The following STPG2 variants were observed in gnomAD, a reference collection of about 807,000 sequenced individuals.
STPG2 encodes the protein sperm-tail PG-rich repeat-containing protein 2.
A neutral mutation model predicts 54.2 loss-of-function variants in STPG2; 56 were observed. The observed-to-expected ratio is 1.03, with a 90% CI of 0.83 to 1.29. STPG2 has a LOEUF of 1.29. STPG2 is among the 50% of genes most tolerant of loss of function. The pLI is 0.00. For missense variants in STPG2, 596 were observed against 544.9 expected, an observed-to-expected ratio of 1.09 and a Z score of -0.93; for synonymous variants, 200 against 181.8, an observed-to-expected ratio of 1.10 and a Z score of -0.81.
intron 4 of STPG2, among the ~76,000 whole-genome samples, chr4:97,486,739 C>T (rs574016631): frequency 1.7e-4 from 26 of 151,352 alleles, no homozygotes; most frequent in South Asian, 1.0e-3. Context: ...CAGCACAATT[C>T]GCAATTGCAA....
chr4:97,729,502 A>G (rs779427267), intron 9 of STPG2, among the ~76,000 whole-genome samples: 9 of 152,318 alleles, frequency 5.9e-5, no homozygotes, highest in Admixed American at 3.9e-4. Flanking sequence ...TTATCAAAAT[A>G]GAAATATATT....
intron 8 of STPG2, among the ~76,000 whole-genome samples, chr4:97,913,123 C>T (rs1386758751): frequency 2.0e-5 from 3 of 152,108 alleles, no homozygotes; most frequent in African/African-American, 7.2e-5. Flanking sequence ...ATAATATAAG[C>T]TTCAAGGAAA....
chr4:98,063,296 A>G lies in STPG2; in HGVS notation c.612+42657T>C, dbSNP rs986531084. 5.3e-5 allele frequency among the ~76,000 whole-genome samples: 8 copies of G among 152,156 alleles called. No individual in the cohort carries two copies. The South Asian group carries it at 8.3e-4, about 16-fold the overall frequency. On this transcript the variant is annotated intron_variant, in intron 5 of 10. Transcript: ENST00000295268. ...AAACCCCGTCTCTACTAAAAATACAAAAATCAGCTGGGCATGGTGGCACAT... is the reference window on the plus strand; with the variant it reads ...AAACCCCGTCTCTACTAAAAATACAGAAATCAGCTGGGCATGGTGGCACAT...
intron 7 of STPG2, among the ~76,000 whole-genome samples, chr4:97,968,021 G>A (rs1242183696): frequency 6.6e-6 from 1 of 152,110 alleles, no homozygotes; most frequent in Non-Finnish European, 1.5e-5. Flanking sequence ...GAGCAGAACT[G>A]AAGGAGAGAG....
intron 7 of STPG2, among the ~76,000 whole-genome samples, chr4:97,969,222 G>A (rs976434277): frequency 3.3e-5 from 5 of 152,118 alleles, no homozygotes; most frequent in African/African-American, 7.2e-5. Context: ...GATTAATATC[G>A]TGCTAATCAT....
In STPG2 at chr4:98,132,325, C is replaced by T. The variant is rs183158467; in HGVS notation, c.222+2022G>A. ...ACTTATAAAATAACTAAAATGTAAACACTAATAAATTTTTATAGGAAGGCT... is the reference window on the plus strand; with the variant it reads ...ACTTATAAAATAACTAAAATGTAAATACTAATAAATTTTTATAGGAAGGCT... On this transcript the variant is annotated intron_variant, in intron 2 of 10. Coordinates refer to ENST00000295268, the MANE Select transcript of STPG2 (RefSeq NM_174952.3). Among the ~76,000 whole-genome samples the T allele has an allele frequency of 1.7e-3, 216 of 126,140 alleles. 1 individual carries two copies. The highest frequency in any genetic ancestry group is 3.2e-3 in the Non-Finnish European group (181 of 56,520). 82.8% of individuals were successfully genotyped at this position (126,140 alleles called of 152,430 possible).
At chr4:97,640,144 T>C (rs1467083958) in intron 10 of STPG2, among the ~76,000 whole-genome samples, 1 of 152,070 alleles carries the variant, frequency 6.6e-6, no homozygotes, top group African/African-American at 2.4e-5. Context: ...TTATATAGAA[T>C]GTGCCCAGAA....
chr4:98,110,335 G>T (rs1169707438), intron 3 of STPG2, among the ~76,000 whole-genome samples: 1 of 152,108 alleles, frequency 6.6e-6, no homozygotes, highest in East Asian at 1.9e-4. Flanking sequence ...AACATCTCAG[G>T]AGTTGCGCGA....
chr4:98,056,635 A>C (rs1022402885), intron 5 of STPG2, among the ~76,000 whole-genome samples: 1 of 151,924 alleles, frequency 6.6e-6, no homozygotes, highest in Admixed American at 6.5e-5. Context: ...GGAAAAAAAA[A>C]ACACACACAT....
intron 5 of STPG2, among the ~76,000 whole-genome samples, chr4:98,002,511 C>A (rs965804671): frequency 6.6e-6 from 1 of 151,786 alleles, no homozygotes; most frequent in African/African-American, 2.4e-5. Context: ...GATGTATAGA[C>A]CCCTCAAGCA....
At chr4:97,891,990 C>A (rs1730789574) in intron 8 of STPG2, among the ~76,000 whole-genome samples, 1 of 152,058 alleles carries the variant, frequency 6.6e-6, no homozygotes, top group Non-Finnish European at 1.5e-5. Flanking sequence ...AACTACCTTT[C>A]TATTCCCATG....
At chr4:97,567,320 T>C (rs2148880760) in intron 10 of STPG2, among the ~76,000 whole-genome samples, 1 of 151,512 alleles carries the variant, frequency 6.6e-6, no homozygotes, top group South Asian at 2.1e-4. Flanking sequence ...CAGTACATAC[T>C]GTTGGTGAGG....
chr4:97,700,512 A>G (rs965704070), intron 10 of STPG2, among the ~76,000 whole-genome samples: 1 of 152,230 alleles, frequency 6.6e-6, no homozygotes, highest in Non-Finnish European at 1.5e-5. Context: ...CTGGACCCCT[A>G]GAAATTTTAC....
chr4:97,538,339 T>C (rs1316992966), intron 4 of STPG2, among the ~76,000 whole-genome samples: 1 of 152,078 alleles, frequency 6.6e-6, no homozygotes, highest in Non-Finnish European at 1.5e-5. Flanking sequence ...TGCAGAGAAC[T>C]CCTTAAATAA....
rs145663958 is a variant in STPG2 at position 97,509,145 on chromosome 4, A to T, written c.462+203554T>A. 6.1e-3 allele frequency among the ~76,000 whole-genome samples: 934 copies of T among 152,088 alleles called. 5 individuals carry two copies. Among genetic ancestry groups the T allele is most frequent in the South Asian group, 0.02 (98 of 4,828 alleles). ...TATTTCTATGGGCTTATGTCTCTCC[A>T]GGGTTTCGATTTTGAACCTGGTCCG... is the stretch of plus-strand genomic sequence containing the variant. On this transcript the variant is annotated intron_variant, in intron 4 of 4. Coordinates refer to the STPG2 transcript ENST00000522676.
At position 97,840,737 on chromosome 4, in the gene STPG2, T is replaced by C. The variant is rs113402468; in HGVS notation, c.1204+36A>G. Reference sequence around the variant, plus strand: ...TTTTAATATGGAAACCTTAGAATTTTTTTCCTCATAGCTTTATAAGGACTT... The same window carrying C: ...TTTTAATATGGAAACCTTAGAATTTCTTTCCTCATAGCTTTATAAGGACTT... On this transcript the variant is annotated intron_variant, in intron 9 of 10. Transcript: ENST00000295268. The C allele has an allele frequency of 3.4e-3, 5,251 of 1,566,936 alleles. 151 individuals are homozygous for C. In the African/African-American group the frequency reaches 0.064, roughly 19 times the overall value.
intron 9 of STPG2, among the ~76,000 whole-genome samples, chr4:97,800,822 G>T (rs1412617001): frequency 6.6e-6 from 1 of 152,148 alleles, no homozygotes; most frequent in Non-Finnish European, 1.5e-5. Context: ...AGCTGTGGTG[G>T]ACTCCACCCA....
At chr4:97,765,668 C>T (rs1726023348) in intron 9 of STPG2, among the ~76,000 whole-genome samples, 1 of 152,080 alleles carries the variant, frequency 6.6e-6, no homozygotes, top group South Asian at 2.1e-4. Flanking sequence ...GTTGTAACCA[C>T]TAAGATTATG....
intron 4 of STPG2, among the ~76,000 whole-genome samples, chr4:97,456,891 C>CAAAAAAAAAAA (rs57563048): frequency 0.017 from 829 of 48,730 alleles, 112 homozygotes; most frequent in African/African-American, 0.086. Context: ...TGCTCCGTCT[C>CAAAAAAAAAAA]AAAAAAAAAA....
Sources: allele counts gnomAD v4.1 joint callset (sites outside exome capture counted in the v4.1 genomes callset), GRCh38; gene constraint gnomAD v4.1.1; transcripts MANE v1.5; gene names NCBI Gene and HGNC (gene_info 2026-07-23, HGNC 2026-07-21).